KIF14: variants seen among roughly 807,000 people sequenced by gnomAD.
The protein encoded by KIF14 is kinesin family member 14, also known as kinesin-like protein KIF14.
A neutral mutation model predicts 176.2 loss-of-function variants in KIF14; 98 were observed. The ratio of observed to expected loss-of-function variants is 0.56; its 90% CI spans 0.47 to 0.66. The LOEUF is 0.66. KIF14 is among the 30% of genes least tolerant of loss of function. The pLI is 0.00. For synonymous variants in KIF14, 566 were observed against 632.2 expected (o/e 0.90, Z 1.57); for missense variants, 1,751 against 1,920.4 (o/e 0.91, Z 1.65).
In KIF14 at chr1:200,601,896, C is replaced by A. The variant is rs752832850; in HGVS notation, c.2152G>T (p.Glu718Ter). 2 of 1,599,384 alleles carry A rather than the reference C, an allele frequency of 1.3e-6. No individual in the cohort carries two copies. Among genetic ancestry groups the A allele is most frequent in the Non-Finnish European group, 1.7e-6 (2 of 1,172,592 alleles). The change falls in exon 11 of 30, where the codon GAA becomes TAA. Residue 718 changes from glutamate to a stop codon, truncating the protein, a stop_gained and splice_region_variant. Transcript: ENST00000367350. LOFTEE classifies it high-confidence loss of function. ...TTTTAAATTCTGAGAAAATATTCAC[C>A]TCTAATTAACTTAGCGTTCATATCT... is the stretch of plus-strand genomic sequence containing the variant. The part of the protein sequence containing the change: ...NEDMNAKLIR[E>*]LKAEIAKLKA...
chr1:200,600,523 T>C lies in KIF14; in HGVS notation c.2153-20A>G. On this transcript the variant is annotated intron_variant, in intron 11 of 29. Transcript: ENST00000367350. ...TCAATTCTGAAGATTTATACAAAGA[T>C]GCATTAATAATAACATTTAATATAT... The C allele has an allele frequency of 1.3e-6, 2 of 1,561,464 alleles. No homozygotes were observed. The highest frequency in any genetic ancestry group is 1.7e-4 in the Middle Eastern group (1 of 5,942).
chr1:200,605,761 C>T, intron 7 of KIF14, 103 bp downstream of exon 7: 1 of 715,816 alleles, frequency 1.4e-6, no homozygotes, highest in Non-Finnish European at 2.3e-6. Context: ...ATTAAGGAAA[C>T]TAACCTTTTA....
rs368717102 is a variant in KIF14, at chr1:200,581,115, G to GAAAAA, written c.3335+81_3335+85dup. 9.6e-3 allele frequency: 2,767 copies of GAAAAA among 288,984 alleles called. 4 individuals are homozygous for GAAAAA. Among genetic ancestry groups the GAAAAA allele is most frequent in the Middle Eastern group, 0.014 (13 of 946 alleles). 17.9% of individuals were successfully genotyped at this position (288,984 alleles called of 1,614,324 possible). On this transcript the variant is annotated intron_variant, in intron 20 of 29. Transcript: ENST00000367350. ...GGCAACAGAGCAAGACTCTGTCTCA[G>GAAAAA]AAAAAAAAAAAAAAAAAAGAGAAAC...
Position 200,618,418 on chromosome 1 carries a change from C to A in KIF14, c.306G>T (p.Leu102Phe), listed in dbSNP as rs1218385474. The change falls in exon 2 of 30, where the codon TTG becomes TTT. Residue 102 changes from leucine to phenylalanine, a missense_variant. Coordinates refer to ENST00000367350, the MANE Select transcript of KIF14 (RefSeq NM_014875.3). ...RRTTRNKESS[L>F]LVSELEDTTE... ...TTGTGTCTTCCAACTCACTAACAAG[C>A]AAAGATGATTCTTTGTTCCTTGTAG... 2 of 1,614,152 alleles carry A rather than the reference C, an allele frequency of 1.2e-6. No individual in the cohort carries two copies. The highest frequency in any genetic ancestry group is 1.1e-5 in the South Asian group (1 of 91,088).
At position 200,559,360 on chromosome 1, in the gene KIF14, A is replaced by G; in HGVS notation, c.4323T>C (p.His1441=). ...SGLEKAKELQ[H]ELFRQCTKNE... is the part of the protein sequence containing the mutation. ...TTTTTGTACACTGCCTAAAGAGTTC[A>G]TGCTGAAGTTCTTTTGCTTTTTCCA... is the stretch of plus-strand genomic sequence containing the variant. Residue 1441 remains histidine (H), a synonymous_variant, in exon 27 of 30, where the codon CAT becomes CAC. Transcript: ENST00000367350. 6.3e-7 allele frequency: 1 copy of G among 1,591,924 alleles called. No individual in the cohort carries two copies. The highest frequency in any genetic ancestry group is 8.6e-7 in the Non-Finnish European group (1 of 1,168,438).
Position 200,603,909 on chromosome 1 carries a change from C to A in KIF14, c.1793G>T (p.Arg598Leu), listed in dbSNP as rs373895990. The A allele has an allele frequency of 1.2e-6, 2 of 1,613,576 alleles. No individual in the cohort carries two copies. Among genetic ancestry groups the A allele is most frequent in the East Asian group, 2.2e-5 (1 of 44,878 alleles). Residue 598 changes from arginine to leucine, a missense_variant, in exon 9 of 30, where the codon CGA becomes CTA. By Grantham distance (102) the Arg-to-Leu change is moderately radical. Coordinates refer to ENST00000367350, the MANE Select transcript of KIF14 (RefSeq NM_014875.3). ...GCCTGCCAGATCTATTAGGTTAATT[C>A]GACTTGTTATTCTGTGATCGTGTTC... ...GEEHDHRITS[R>L]INLIDLAGSE... is the part of the protein sequence containing the mutation.
intron 26 of KIF14, 127 bp downstream of exon 26, chr1:200,560,595 A>C: frequency 9.4e-7 from 1 of 1,059,006 alleles, no homozygotes; most frequent in South Asian, 1.6e-5. Context: ...ATCTTATTGC[A>C]AAACTACTAA....
chr1:200,560,764 T>G lies in KIF14; in HGVS notation c.4188A>C (p.Leu1396=), dbSNP rs768224343. 1 of 1,614,208 alleles carries G rather than the reference T, an allele frequency of 6.2e-7. No homozygotes were observed. Among genetic ancestry groups the G allele is most frequent in the Non-Finnish European group, 8.5e-7 (1 of 1,180,028 alleles). Residue 1396 remains leucine, a synonymous_variant, in exon 26 of 30, where the codon CTA becomes CTC. Transcript: ENST00000367350. ...GQLAVLKGSK[L]HFLENGNNKA... is the part of the protein sequence containing the mutation. ...TATTGTTACCGTTTTCTAGAAAATG[T>G]AGCTTGCTCCCTTTCAGAACTGCTA...
rs1452888297 is a variant in KIF14, at chr1:200,586,094, C to T, written c.3241+7G>A. ...GAAAATGTTTGCTAAAATCAGCACA[C>T]ACTTACCTGTAAAAGTTTTATCCCT... On this transcript the variant is annotated splice_region_variant and intron_variant, in intron 19 of 29. Coordinates refer to ENST00000367350, the MANE Select transcript of KIF14 (RefSeq NM_014875.3). 3.9e-6 allele frequency: 6 copies of T among 1,527,882 alleles called. No homozygotes were observed. In the African/African-American group the frequency reaches 4.1e-5, roughly 10 times the overall value. 94.6% of individuals were successfully genotyped at this position (1,527,882 alleles called of 1,614,324 possible).
intron 27 of KIF14, among the ~76,000 whole-genome samples, chr1:200,558,757 T>C (rs906724322): frequency 2.0e-5 from 3 of 152,154 alleles, no homozygotes; most frequent in African/African-American, 7.2e-5. Flanking sequence ...AAATGATAAG[T>C]GGAAAGTGAT....
At position 200,552,672 on chromosome 1, in the gene KIF14, G is replaced by T. The variant is rs923551207; in HGVS notation, c.*716C>A. 2 of 151,916 alleles carry T rather than the reference G, an allele frequency of 1.3e-5. No homozygotes were observed. The highest frequency in any genetic ancestry group is 2.9e-5 in the Non-Finnish European group (2 of 67,986). 9.4% of individuals were successfully genotyped at this position (151,916 alleles called of 1,614,324 possible). A position where few individuals can be genotyped will look rare whatever the true frequency, so the allele number is the denominator to read the frequency against. Reference sequence around the variant, plus strand: ...ACCCTTGAACATACTATTCAAAATGGCAACCAGTTAACCCTTTGAGAAAAG... The same window carrying T: ...ACCCTTGAACATACTATTCAAAATGTCAACCAGTTAACCCTTTGAGAAAAG... On this transcript the variant is annotated 3_prime_UTR_variant, in exon 30 of 30. Coordinates refer to ENST00000367350, the MANE Select transcript of KIF14 (RefSeq NM_014875.3).
At chr1:200,574,376 G>A (rs1657985050) in intron 22 of KIF14, among the ~76,000 whole-genome samples, 1 of 152,152 alleles carries the variant, frequency 6.6e-6, no homozygotes. Context: ...AAAACCAGGA[G>A]TCATCCTTGC....
At chr1:200,556,148 C>T (rs1656818471) in intron 27 of KIF14, among the ~76,000 whole-genome samples, 1 of 152,186 alleles carries the variant, frequency 6.6e-6, no homozygotes, top group East Asian at 1.9e-4. Context: ...GAGTGGGAGC[C>T]CACATCTAAA....
At chr1:200,581,161 T>C (rs747609296) in intron 20 of KIF14, 40 bp downstream of exon 20, 6 of 1,022,248 alleles carry the variant, frequency 5.9e-6, no homozygotes, top group Middle Eastern at 4.9e-4. Context: ...AAAGGCCAAC[T>C]TGTTTAAAAC....
Position 200,570,490 on chromosome 1 carries a change from G to A in KIF14, c.3567-485C>T, listed in dbSNP as rs544182237. Among the ~76,000 whole-genome samples the A allele has an allele frequency of 7.2e-5, 11 of 152,256 alleles. 1 individual carries two copies. In the South Asian group the frequency reaches 1.9e-3, roughly 26 times the overall value. On this transcript the variant is annotated intron_variant, in intron 22 of 29. Coordinates refer to ENST00000367350, the MANE Select transcript of KIF14 (RefSeq NM_014875.3). ...ACAGAGGGCAGGCTTGGGAAGCAGG[G>A]AATAGTGTCTCAGACACAAGCAACA...
chr1:200,577,912 A>G (rs546453020), intron 21 of KIF14, among the ~76,000 whole-genome samples: 28 of 151,554 alleles, frequency 1.8e-4, no homozygotes, highest in African/African-American at 6.3e-4. Context: ...GAGCTTACCC[A>G]TAAGAATGTC....
intron 25 of KIF14, among the ~76,000 whole-genome samples, chr1:200,564,090 C>A (rs1447869176): frequency 6.6e-6 from 1 of 151,772 alleles, no homozygotes; most frequent in Non-Finnish European, 1.5e-5. Context: ...GGTGAAACCC[C>A]ATCTCTACTA....
chr1:200,598,215 T>G (rs1236784246), intron 14 of KIF14, 22 bp downstream of exon 14: 2 of 1,593,276 alleles, frequency 1.3e-6, no homozygotes, highest in East Asian at 2.2e-5. Context: ...GCCTTTTCTT[T>G]TTTTTTAGAG....
At chr1:200,560,608 G>C in intron 26 of KIF14, 114 bp downstream of exon 26, 4 of 1,145,976 alleles carry the variant, frequency 3.5e-6, no homozygotes, top group Non-Finnish European at 3.8e-6. Context: ...ACTACTAAAA[G>C]TACAAGCTAT....
Sources: gnomAD v4.1 joint callset for allele counts (sites outside exome capture counted in the v4.1 genomes callset) on GRCh38, gnomAD v4.1.1 for gene constraint, MANE v1.5 for transcripts, NCBI Gene and HGNC (gene_info 2026-07-23, HGNC 2026-07-21) for gene names.